The following OXR1 variants were observed in gnomAD, a reference collection of about 807,000 sequenced individuals.
OXR1 encodes the protein oxidation resistance 1.
A neutral mutation model predicts 104.6 loss-of-function variants in OXR1; 41 were observed. That is an observed-to-expected ratio of 0.39 (90% CI 0.31 to 0.51). The LOEUF is 0.51. Ranked by LOEUF, OXR1 falls within the 20% of genes least tolerant of loss-of-function variation. The pLI, the probability that OXR1 is intolerant of heterozygous loss-of-function variation, is 0.77. For missense variants in OXR1, 955 were observed against 1,031.9 expected (o/e 0.93, Z 1.02); for synonymous variants, 348 against 348.4 (o/e 1.00, Z 0.01).
intron 1 of OXR1, among the ~76,000 whole-genome samples, chr8:106,312,849 C>A (rs1421786636): frequency 6.6e-6 from 1 of 152,142 alleles, no homozygotes; most frequent in South Asian, 2.1e-4. Flanking sequence ...CTTCAAGATG[C>A]TAATAAAGGG....
rs755932055 is a variant in OXR1 at position 106,702,865 on chromosome 8, C to G, written c.676-41C>G. 3.4e-6 allele frequency: 5 copies of G among 1,474,562 alleles called. No homozygotes were observed. In the East Asian group the frequency reaches 1.1e-4, roughly 34 times the overall value. 91.3% of individuals were successfully genotyped at this position (1,474,562 alleles called of 1,614,324 possible). On this transcript the variant is annotated intron_variant, in intron 7 of 16. Coordinates refer to ENST00000517566, the MANE Select transcript of OXR1 (RefSeq NM_001198533.2). ...AATAGCTAGATAATTTTTGAAGTATCAACCTTGAGGATTAAATGTTACTTT... is the reference window on the plus strand; with the variant it reads ...AATAGCTAGATAATTTTTGAAGTATGAACCTTGAGGATTAAATGTTACTTT...
intron 2 of OXR1, among the ~76,000 whole-genome samples, chr8:106,430,031 G>C (rs1389982613): frequency 6.6e-6 from 1 of 152,118 alleles, no homozygotes; most frequent in East Asian, 1.9e-4. Flanking sequence ...TGTAGCCTGT[G>C]TGTGTGTGTG....
intron 2 of OXR1, among the ~76,000 whole-genome samples, chr8:106,443,570 T>C (rs1819883090): frequency 6.6e-6 from 1 of 152,172 alleles, no homozygotes; most frequent in Non-Finnish European, 1.5e-5. Flanking sequence ...TCTAAGAACT[T>C]GTTTTATAAA....
intron 3 of OXR1, chr8:106,658,053 T>A: frequency 1.6e-6 from 2 of 1,248,220 alleles, no homozygotes; most frequent in Non-Finnish European, 2.0e-6. Flanking sequence ...CAACCGCCTG[T>A]TGGGGTTCGG....
intron 3 of OXR1, among the ~76,000 whole-genome samples, chr8:106,618,870 T>A (rs879299639): frequency 3.3e-5 from 5 of 152,172 alleles, no homozygotes; most frequent in African/African-American, 4.8e-5. Flanking sequence ...GAGGATTTTT[T>A]TTTTTGCCTT....
At chr8:106,697,490 C>T (rs895407908) in intron 7 of OXR1, 125 of 1,608,048 alleles carry the variant, frequency 7.8e-5, no homozygotes, top group Non-Finnish European at 9.6e-5. Context: ...ATCTGTAGCC[C>T]GATCACGTTC....
chr8:106,510,942 G>A (rs1167666535), intron 2 of OXR1, among the ~76,000 whole-genome samples: 1 of 152,148 alleles, frequency 6.6e-6, no homozygotes, highest in Non-Finnish European at 1.5e-5. Flanking sequence ...CTTTGGTTTG[G>A]AATTGCAAAA....
intron 7 of OXR1, chr8:106,697,470 G>A: frequency 1.9e-6 from 3 of 1,594,398 alleles, no homozygotes; most frequent in Non-Finnish European, 2.6e-6. Flanking sequence ...GCCTGCCTGA[G>A]ATGCCCCCCA....
intron 2 of OXR1, among the ~76,000 whole-genome samples, chr8:106,505,707 C>A (rs181999662): frequency 7.3e-4 from 111 of 152,278 alleles, no homozygotes; most frequent in African/African-American, 2.6e-3. Flanking sequence ...TGCAAAGGCC[C>A]TCTGGACAGA....
At position 106,749,558 on chromosome 8, in the gene OXR1, C is replaced by CT. The variant is rs567200307; in HGVS notation, c.2487-1247dup. 5.8e-4 allele frequency among the ~76,000 whole-genome samples: 89 copies of CT among 152,224 alleles called. 1 individual carries two copies. In the South Asian group the frequency reaches 8.9e-3, roughly 15 times the overall value. On this transcript the variant is annotated intron_variant, in intron 16 of 16. Transcript: ENST00000517566. ...ACCCCAGAGAGGTTAAGTGACTTAA[C>CT]TAAGTTTGACATAAGTTGTGGCCAC...
At chr8:106,553,195 A>G (rs918256255) in intron 3 of OXR1, among the ~76,000 whole-genome samples, 3 of 145,500 alleles carry the variant, frequency 2.1e-5, no homozygotes, top group African/African-American at 7.6e-5. Context: ...CCTAAAACTT[A>G]AAGTACAGTA....
In OXR1 at chr8:106,393,533, AC is replaced by A. The variant is rs1817662512; in HGVS notation, c.23+33898del. 2.0e-5 allele frequency among the ~76,000 whole-genome samples: 3 copies of A among 152,158 alleles called. No homozygotes were observed. The South Asian group carries it at 6.2e-4, about 32-fold the overall frequency. On this transcript the variant is annotated intron_variant, in intron 2 of 16. Transcript: ENST00000517566. ...TATAAGAAACAGTCGATAGAAAAAA[AC>A]ATATTATGTCTAAAAAGTTAAAAAT...
chr8:106,557,523 G>C (rs1431941832), intron 3 of OXR1, among the ~76,000 whole-genome samples: 1 of 150,114 alleles, frequency 6.7e-6, no homozygotes, highest in Non-Finnish European at 1.5e-5. Context: ...AGAAAGCATG[G>C]TAAAACTACT....
intron 8 of OXR1, among the ~76,000 whole-genome samples, chr8:106,704,238 G>A (rs1830881993): frequency 6.6e-6 from 1 of 151,966 alleles, no homozygotes; most frequent in Non-Finnish European, 1.5e-5. Flanking sequence ...TTATTGGGAG[G>A]TGGATAATGG....
intron 2 of OXR1, among the ~76,000 whole-genome samples, chr8:106,365,467 C>A (rs1816431757): frequency 6.6e-6 from 1 of 150,984 alleles, no homozygotes. Context: ...AAAACAAAAG[C>A]TCAAGAGGAA....
At chr8:106,413,514 A>G (rs187769103) in intron 2 of OXR1, among the ~76,000 whole-genome samples, 1 of 152,290 alleles carries the variant, frequency 6.6e-6, no homozygotes, top group African/African-American at 2.4e-5. Flanking sequence ...AATAAGAGCT[A>G]AGTAAGACAC....
chr8:106,665,285 A>G (rs1002812780), intron 3 of OXR1, among the ~76,000 whole-genome samples: 12 of 152,128 alleles, frequency 7.9e-5, no homozygotes, highest in Non-Finnish European at 1.6e-4. Context: ...ACATCTTTGG[A>G]TGTGGGAGGG....
intron 3 of OXR1, among the ~76,000 whole-genome samples, chr8:106,655,232 C>T (rs1314067389): frequency 1.3e-5 from 2 of 151,972 alleles, no homozygotes; most frequent in Middle Eastern, 6.8e-3. Context: ...GGCTTTATAA[C>T]CCTGAATTGT....
intron 1 of OXR1, among the ~76,000 whole-genome samples, chr8:106,279,766 G>A (rs1356070557): frequency 6.6e-6 from 1 of 152,182 alleles, no homozygotes; most frequent in African/African-American, 2.4e-5. Flanking sequence ...TCAAAGTTAT[G>A]ATGTTGTAAC....
Sources: gnomAD v4.1 joint callset for allele counts (sites outside exome capture counted in the v4.1 genomes callset) on GRCh38, gnomAD v4.1.1 for gene constraint, MANE v1.5 for transcripts, NCBI Gene and HGNC (gene_info 2026-07-23, HGNC 2026-07-21) for gene names.